Variants in CHODL observed in about 807,000 individuals in gnomAD.
CHODL encodes transmembrane protein MT75.
A neutral mutation model predicts 34.5 loss-of-function variants in CHODL; 29 were observed. That is an observed-to-expected ratio of 0.84 (90% CI 0.63 to 1.15). The LOEUF (loss-of-function observed/expected upper bound fraction) is 1.15. CHODL is among the 50% of genes most tolerant of loss of function. The pLI is 0.00. For synonymous variants in CHODL, 125 were observed against 116.1 expected, an observed-to-expected ratio of 1.08 and a Z score of -0.49; for missense variants, 332 against 332.5, an observed-to-expected ratio of 1.00 and a Z score of 0.01.
At chr21:18,251,534 A>ATAAAATAAATAT (rs1184182451) in intron 1 of CHODL, among the ~76,000 whole-genome samples, 59 of 906 alleles carry the variant, frequency 0.065, 17 homozygotes, top group African/African-American at 0.14. Context: ...TATTTTATTT[A>ATAAAATAAATAT]TTATTTTAAT....
At chr21:17,919,791 C>A (rs1053753968) in intron 1 of CHODL, among the ~76,000 whole-genome samples, 5 of 152,162 alleles carry the variant, frequency 3.3e-5, no homozygotes, top group African/African-American at 7.2e-5. Context: ...TGCTGTTTCC[C>A]TTATAAAACT....
At chr21:17,940,354 G>T (rs1331977919) in intron 1 of CHODL, among the ~76,000 whole-genome samples, 1 of 152,042 alleles carries the variant, frequency 6.6e-6, no homozygotes, top group African/African-American at 2.4e-5. Context: ...TTCATACAAA[G>T]AAATACTACA....
intron 2 of CHODL, among the ~76,000 whole-genome samples, chr21:18,145,894 A>G (rs1198988835): frequency 6.6e-6 from 1 of 152,156 alleles, no homozygotes; most frequent in African/African-American, 2.4e-5. Flanking sequence ...CTCAATACGG[A>G]GTTAAATTGT....
At chr21:18,070,028 C>CTTCCCTTCCCTT (rs1240928380) in intron 2 of CHODL, among the ~76,000 whole-genome samples, 1 of 101,090 alleles carries the variant, frequency 9.9e-6, no homozygotes, top group African/African-American at 3.3e-5. Context: ...CCTTCCCTCC[C>CTTCCCTTCCCTT]CCCCCCCACC....
At chr21:18,020,859 T>A (rs1265454353) in intron 1 of CHODL, among the ~76,000 whole-genome samples, 2 of 152,084 alleles carry the variant, frequency 1.3e-5, no homozygotes, top group Non-Finnish European at 2.9e-5. Flanking sequence ...AATCCCAGCA[T>A]TTTGGGAGGC....
chr21:18,227,800 G>C (rs2073944166), intron 2 of CHODL, among the ~76,000 whole-genome samples: 1 of 152,074 alleles, frequency 6.6e-6, no homozygotes, highest in Non-Finnish European at 1.5e-5. Context: ...TTATGGTATA[G>C]ATAAAATAAA....
At chr21:18,235,358 TATTAAC>T (rs2074019620) in intron 2 of CHODL, among the ~76,000 whole-genome samples, 2 of 152,102 alleles carry the variant, frequency 1.3e-5, no homozygotes, top group African/African-American at 4.8e-5. Flanking sequence ...AGTATATTCA[TATTAAC>T]ATTGGAAGAA....
chr21:18,169,193 A>G (rs1170197547), intron 2 of CHODL, among the ~76,000 whole-genome samples: 2 of 152,028 alleles, frequency 1.3e-5, no homozygotes, highest in Non-Finnish European at 2.9e-5. Flanking sequence ...TTTAATCCTT[A>G]CTTGTTGGAG....
chr21:18,256,598 G>A lies in CHODL; in HGVS notation c.169G>A (p.Ala57Thr). The change falls in exon 2 of 6, where the codon GCA becomes ACA. Residue 57 changes from alanine to threonine, a missense_variant. Ala to Thr is a moderately conservative substitution (Grantham distance 58, BLOSUM62 0). Coordinates refer to ENST00000299295, the MANE Select transcript of CHODL (RefSeq NM_024944.3). ...GTCCAGCCGAGTGAGCTTTCAGGAG[G>A]CACGCCTGGCTTGTGAGAGTGAGGG... is the stretch of plus-strand genomic sequence containing the variant. ...ELSSRVSFQEARLACESEGGV... is the reference protein window; with the variant it reads ...ELSSRVSFQETRLACESEGGV... 2.5e-6 allele frequency: 4 copies of A among 1,613,998 alleles called. No individual in the cohort carries two copies. The highest frequency in any genetic ancestry group is 3.4e-6 in the Non-Finnish European group (4 of 1,179,974).
intron 1 of CHODL, among the ~76,000 whole-genome samples, chr21:17,978,757 G>GA (rs1290988114): frequency 2.7e-5 from 4 of 150,794 alleles, no homozygotes; most frequent in African/African-American, 7.3e-5. Context: ...CAAACAAACA[G>GA]AAAAAAGATG....
chr21:18,154,315 G>A lies in CHODL; in HGVS notation c.-44-102194G>A, dbSNP rs11911039. Among the ~76,000 whole-genome samples the A allele has an allele frequency of 2.8e-3, 422 of 152,070 alleles. 1 individual carries two copies. The highest frequency in any genetic ancestry group is 9.0e-3 in the African/African-American group (374 of 41,478). On this transcript the variant is annotated intron_variant, in intron 2 of 6. Transcript: ENST00000400127. ...GTCCCCACTCCTCACACCTGTAACA[G>A]GGACACAAGAACTCTTATCATCAAA... is the stretch of plus-strand genomic sequence containing the variant.
intron 2 of CHODL, among the ~76,000 whole-genome samples, chr21:18,144,921 T>A (rs1305379044): frequency 6.7e-6 from 1 of 149,830 alleles, no homozygotes; most frequent in East Asian, 1.9e-4. Flanking sequence ...GTATTATTTT[T>A]ATATAAGAAT....
chr21:17,963,558 T>G (rs1255079535), intron 1 of CHODL, among the ~76,000 whole-genome samples: 1 of 152,108 alleles, frequency 6.6e-6, no homozygotes, highest in Non-Finnish European at 1.5e-5. Flanking sequence ...TGAGACTTAT[T>G]CACTATCATG....
intron 2 of CHODL, among the ~76,000 whole-genome samples, chr21:18,183,004 A>C (rs1398559898): frequency 2.0e-5 from 3 of 152,224 alleles, no homozygotes; most frequent in Non-Finnish European, 4.4e-5. Flanking sequence ...AAGGCTTATC[A>C]TGCAGAAAAG....
chr21:18,114,628 G>C (rs1258403853), intron 2 of CHODL: 1 of 152,180 alleles, frequency 6.6e-6, no homozygotes, highest in Admixed American at 6.5e-5. Flanking sequence ...TAGAGACACG[G>C]TTTCACCATG....
rs1359547951 is a variant in CHODL at position 18,244,838 on chromosome 21, T to A, written c.-386T>A. The A allele has an allele frequency of 5.0e-6, 1 of 198,558 alleles. No individual in the cohort carries two copies. Among genetic ancestry groups the A allele is most frequent in the Non-Finnish European group, 1.0e-5 (1 of 99,238 alleles). The allele number at this position is 198,558 out of a possible 1,614,324, so 12.3% of individuals were successfully genotyped here. ...TGCCTGAGCGCAGAGCGGCTGCTGC[T>A]GCTGTGATCCAGGACCAGGGCGCAC... On this transcript the variant is annotated 5_prime_UTR_variant, in exon 1 of 6. Transcript: ENST00000299295.
intron 1 of CHODL, among the ~76,000 whole-genome samples, chr21:18,010,169 G>T (rs1443945312): frequency 5.8e-5 from 8 of 137,390 alleles, no homozygotes; most frequent in African/African-American, 2.1e-4. Flanking sequence ...GTGGTGGCGG[G>T]CCCTGTAGTC....
intron 1 of CHODL, among the ~76,000 whole-genome samples, chr21:17,982,371 T>C (rs2063720715): frequency 6.6e-6 from 1 of 152,164 alleles, no homozygotes; most frequent in East Asian, 1.9e-4. Context: ...GGGGTTTTCA[T>C]AAATGAAGAT....
intron 2 of CHODL, among the ~76,000 whole-genome samples, chr21:18,145,268 T>G (rs2072861493): frequency 7.0e-6 from 1 of 143,158 alleles, no homozygotes. Flanking sequence ...AACCCCCGTC[T>G]CTACTAAAAA....
Sources: gnomAD v4.1 joint callset for allele counts (sites outside exome capture counted in the v4.1 genomes callset) on GRCh38, gnomAD v4.1.1 for gene constraint, MANE v1.5 for transcripts, NCBI Gene and HGNC (gene_info 2026-07-23, HGNC 2026-07-21) for gene names.